Variants in CCDC171 observed in about 807,000 individuals in gnomAD.
The protein encoded by CCDC171 is coiled-coil domain containing 171, also known as coiled-coil domain-containing protein 171.
Under a neutral mutation model 168.2 loss-of-function variants are expected in CCDC171, and 177 were observed. The observed-to-expected ratio is 1.05, with a 90% CI of 0.93 to 1.19. The LOEUF is 1.19. Ranked by LOEUF, CCDC171 falls within the 50% of genes most tolerant of loss-of-function variation. The pLI is 0.00. For synonymous variants in CCDC171, 687 were observed against 540.8 expected (o/e 1.27, Z -3.75); for missense variants, 1,991 against 1,539.0 (o/e 1.29, Z -4.91).
intron 6 of CCDC171, among the ~76,000 whole-genome samples, chr9:16,030,443 C>G (rs1477383920): frequency 2.0e-5 from 3 of 152,092 alleles, no homozygotes; most frequent in East Asian, 1.9e-4. Flanking sequence ...TTTTGAAGCA[C>G]TTTAAAAGAT....
intron 8 of CCDC171, among the ~76,000 whole-genome samples, chr9:15,663,608 C>CTT (rs56022914): frequency 8.1e-6 from 1 of 123,228 alleles, no homozygotes; most frequent in Non-Finnish European, 1.8e-5. Flanking sequence ...CTTTTTTTTT[C>CTT]TTTTTTTTTT....
chr9:15,578,203 G>T lies in CCDC171; in HGVS notation c.178-646G>T, dbSNP rs569609175. 1.1e-4 allele frequency among the ~76,000 whole-genome samples: 17 copies of T among 150,000 alleles called. No individual in the cohort carries two copies. In the South Asian group the frequency reaches 1.3e-3, roughly 11 times the overall value. On this transcript the variant is annotated intron_variant, in intron 3 of 25. Coordinates refer to ENST00000380701, the MANE Select transcript of CCDC171 (RefSeq NM_173550.4). ...CTTAGTATGTATCATGCATTTTTTT[G>T]TTTGTTTGTTTTTTAGGTATGAATA... is the stretch of plus-strand genomic sequence containing the variant.
intron 6 of CCDC171, among the ~76,000 whole-genome samples, chr9:16,026,155 T>G (rs1833271183): frequency 6.6e-6 from 1 of 152,112 alleles, no homozygotes; most frequent in Non-Finnish European, 1.5e-5. Flanking sequence ...GTAACCCATC[T>G]CACCCCTCAC....
chr9:16,100,995 C>T, the CCDC171 span, among the ~76,000 whole-genome samples: 20 of 152,286 alleles, frequency 1.3e-4, no homozygotes, highest in East Asian at 1.2e-3. Context: ...AGCCTGGGAA[C>T]GGCAGTTGCT....
intron 4 of CCDC171, among the ~76,000 whole-genome samples, chr9:15,584,165 C>A (rs974837917): frequency 2.6e-5 from 4 of 152,222 alleles, no homozygotes; most frequent in Non-Finnish European, 4.4e-5. Flanking sequence ...CCGTGCCCGG[C>A]ATGTTAAGGT....
At chr9:15,866,034 A>G (rs1412556157) in intron 23 of CCDC171, among the ~76,000 whole-genome samples, 1 of 152,034 alleles carries the variant, frequency 6.6e-6, no homozygotes, top group African/African-American at 2.4e-5. Flanking sequence ...GGCATGAGCA[A>G]CAAGTTCATG....
At chr9:15,649,026 C>G (rs1265660148) in intron 7 of CCDC171, among the ~76,000 whole-genome samples, 1 of 152,324 alleles carries the variant, frequency 6.6e-6, no homozygotes, top group South Asian at 2.1e-4. Flanking sequence ...ACCAAAACAG[C>G]ATGGTACTGG....
the CCDC171 span, among the ~76,000 whole-genome samples, chr9:16,082,209 A>G: frequency 6.6e-6 from 1 of 152,176 alleles, no homozygotes; most frequent in African/African-American, 2.4e-5. Flanking sequence ...TCTTCCTCAC[A>G]AAAAATGTAA....
At chr9:15,751,763 A>G (rs1177077580) in intron 18 of CCDC171, among the ~76,000 whole-genome samples, 1 of 152,212 alleles carries the variant, frequency 6.6e-6, no homozygotes, top group African/African-American at 2.4e-5. Context: ...TTAACTCAAG[A>G]TGGACTAAAG....
intron 21 of CCDC171, among the ~76,000 whole-genome samples, chr9:15,792,545 A>G (rs1259268866): frequency 1.3e-5 from 2 of 152,198 alleles, no homozygotes; most frequent in African/African-American, 4.8e-5. Context: ...GTTGAAATGA[A>G]GGAAAAAATG....
At chr9:16,059,672 G>A (rs1403494553) in intron 1 of CCDC171, among the ~76,000 whole-genome samples, 3 of 150,052 alleles carry the variant, frequency 2.0e-5, no homozygotes, top group Non-Finnish European at 4.4e-5. Context: ...CCGCCACCGC[G>A]CCCGGCTAAT....
chr9:15,622,859 A>G (rs966484880), intron 6 of CCDC171, among the ~76,000 whole-genome samples: 2 of 152,228 alleles, frequency 1.3e-5, no homozygotes, highest in African/African-American at 2.4e-5. Context: ...TGTAAGCATT[A>G]TAAACATTAT....
At chr9:15,794,048 C>T (rs1484498422) in intron 21 of CCDC171, among the ~76,000 whole-genome samples, 7 of 150,774 alleles carry the variant, frequency 4.6e-5, no homozygotes, top group African/African-American at 1.7e-4. Context: ...GGTAGGCATC[C>T]TTATCTTGTT....
intron 7 of CCDC171, among the ~76,000 whole-genome samples, chr9:15,636,989 C>G (rs1440769201): frequency 6.6e-6 from 1 of 151,550 alleles, no homozygotes; most frequent in East Asian, 2.0e-4. Flanking sequence ...GGCGTGGTGG[C>G]TCATGCCTGT....
intron 21 of CCDC171, among the ~76,000 whole-genome samples, chr9:15,829,046 C>G (rs1386564788): frequency 6.6e-6 from 1 of 152,196 alleles, no homozygotes; most frequent in Non-Finnish European, 1.5e-5. Flanking sequence ...TGAGTGTTTA[C>G]TATATGTTTG....
chr9:16,045,906 AC>A (rs1420876660), intron 1 of CCDC171, among the ~76,000 whole-genome samples: 4 of 152,190 alleles, frequency 2.6e-5, no homozygotes, highest in Non-Finnish European at 5.9e-5. Flanking sequence ...CCTGGGATAT[AC>A]ACATTCTCAG....
At chr9:15,682,535 C>T (rs2050109582) in intron 10 of CCDC171, among the ~76,000 whole-genome samples, 2 of 151,892 alleles carry the variant, frequency 1.3e-5, no homozygotes, top group South Asian at 2.1e-4. Context: ...ATATATACAA[C>T]ATAAAGTGAT....
At chr9:15,691,878 A>C (rs760153568) in intron 10 of CCDC171, among the ~76,000 whole-genome samples, 1 of 151,762 alleles carries the variant, frequency 6.6e-6, no homozygotes, top group Non-Finnish European at 1.5e-5. Flanking sequence ...GGATCTCACT[A>C]TGTTGCCCAG....
chr9:16,059,588 C>A (rs1833900166), intron 1 of CCDC171, among the ~76,000 whole-genome samples: 1 of 143,332 alleles, frequency 7.0e-6, no homozygotes, highest in South Asian at 2.3e-4. Context: ...AATCTCGGCT[C>A]ACTGCAAGCT....
Sources: allele counts gnomAD v4.1 joint callset (sites outside exome capture counted in the v4.1 genomes callset), GRCh38; gene constraint gnomAD v4.1.1; transcripts MANE v1.5; gene names NCBI Gene and HGNC (gene_info 2026-07-23, HGNC 2026-07-21).